The following SLCO4A1 variants were observed in gnomAD, a reference collection of about 807,000 sequenced individuals.
SLCO4A1 encodes colon organic anion transporter.
Under a neutral mutation model 64.6 loss-of-function variants are expected in SLCO4A1, and 51 were observed. The ratio of observed to expected loss-of-function variants is 0.79; its 90% CI spans 0.63 to 1.00. The LOEUF is 1.00. Among genes scored for constraint, SLCO4A1 ranks in the 50% least tolerant of loss-of-function variants. SLCO4A1 has a pLI of 0.00. For synonymous variants in SLCO4A1, 471 were observed against 444.9 expected (o/e 1.06, Z -0.74); for missense variants, 919 against 980.5 (o/e 0.94, Z 0.84).
intron 2 of SLCO4A1, among the ~76,000 whole-genome samples, chr20:62,680,303 AG>A (rs1390774747): frequency 1.3e-5 from 2 of 152,208 alleles, no homozygotes; most frequent in Non-Finnish European, 2.9e-5. Context: ...ATCTGTGAAG[AG>A]GGAGAGTTTT....
At chr20:62,681,986 A>G (rs945258555) in intron 2 of SLCO4A1, among the ~76,000 whole-genome samples, 1 of 152,242 alleles carries the variant, frequency 6.6e-6, no homozygotes, top group Non-Finnish European at 1.5e-5. Context: ...CTCAGACAGC[A>G]GGGCGGCCCT....
chr20:62,671,714 C>T (rs752495311), intron 11 of SLCO4A1, 36 bp from the exon 12 acceptor site: 3 of 1,597,284 alleles, frequency 1.9e-6, no homozygotes, highest in African/African-American at 1.3e-5. Flanking sequence ...TCTGGCCGAG[C>T]TCCCCACGAG....
Position 62,656,534 on chromosome 20 carries a change from C to G in SLCO4A1, c.80C>G (p.Thr27Ser), listed in dbSNP as rs1422312131. ...NSAMENGLDHTPPSRRASPGT... is the reference protein window; with the variant it reads ...NSAMENGLDHSPPSRRASPGT... Reference sequence around the variant, plus strand: ...GCCATGGAAAACGGGCTTGACCACACCCCACCCAGCAGGAGGGCATCCCCG... The same window carrying G: ...GCCATGGAAAACGGGCTTGACCACAGCCCACCCAGCAGGAGGGCATCCCCG... Residue 27 changes from threonine to serine, a missense_variant, in exon 2 of 12, where the codon ACC becomes AGC. By Grantham distance (58) the Thr-to-Ser change is moderately conservative (BLOSUM62 1). Coordinates refer to ENST00000217159, the MANE Select transcript of SLCO4A1 (RefSeq NM_016354.4). 4 of 1,577,328 alleles carry G rather than the reference C, an allele frequency of 2.5e-6. No individual in the cohort carries two copies. In the South Asian group the frequency reaches 4.6e-5, roughly 18 times the overall value.
intron 2 of SLCO4A1, among the ~76,000 whole-genome samples, chr20:62,682,230 C>T (rs1174722281): frequency 6.6e-6 from 1 of 152,206 alleles, no homozygotes; most frequent in African/African-American, 2.4e-5. Flanking sequence ...ACCTGGGAGC[C>T]GTACGCCTGC....
chr20:62,649,886 T>C (rs1982137168), intron 1 of SLCO4A1: 1 of 152,270 alleles, frequency 6.6e-6, no homozygotes, highest in Non-Finnish European at 1.5e-5. Flanking sequence ...TGCAGCCAGC[T>C]TGGGATGAGA....
intron 1 of SLCO4A1, chr20:62,643,293 A>G (rs1464243761): frequency 3.2e-6 from 1 of 315,374 alleles, no homozygotes. Context: ...ACCAGGGAGG[A>G]TGGAAAGGAA....
Position 62,657,079 on chromosome 20 carries a change from C to A in SLCO4A1, c.625C>A (p.Pro209Thr). Residue 209 changes from proline (P) to threonine (T), a missense_variant, in exon 2 of 12, where the codon CCT becomes ACT. By Grantham distance (38) the Pro-to-Thr change is conservative. Transcript: ENST00000217159. ...GTTGGACGCGGGTGTCAGGACGTGC[C>A]CTGCCAACCCCGGCGCGGTGTGTGC... Reference protein sequence around the residue: ...VELDAGVRTCPANPGAVCADS... With the variant: ...VELDAGVRTCTANPGAVCADS... The A allele has an allele frequency of 6.2e-7, 1 of 1,602,046 alleles. No individual in the cohort carries two copies.
intron 6 of SLCO4A1, among the ~76,000 whole-genome samples, chr20:62,665,706 C>T (rs959007343): frequency 2.6e-5 from 4 of 152,092 alleles, no homozygotes; most frequent in African/African-American, 9.7e-5. Flanking sequence ...CCTGGCCCCT[C>T]TGGGCTGACC....
intron 2 of SLCO4A1, among the ~76,000 whole-genome samples, chr20:62,657,622 G>T (rs1465374696): frequency 1.3e-5 from 2 of 152,236 alleles, no homozygotes; most frequent in African/African-American, 4.8e-5. Context: ...CCTGGCACTT[G>T]CCTGGGAAGG....
chr20:62,680,933 C>G (rs764141967), intron 2 of SLCO4A1, among the ~76,000 whole-genome samples: 1 of 152,178 alleles, frequency 6.6e-6, no homozygotes, highest in Non-Finnish European at 1.5e-5. Context: ...CAGACAGGGT[C>G]TCACTCTGTC....
Position 62,668,127 on chromosome 20 carries a change from T to C in SLCO4A1, c.1754T>C (p.Phe585Ser), listed in dbSNP as rs1304655199. Residue 585 changes from phenylalanine (F) to serine (S), a missense_variant, in exon 9 of 12, where the codon TTC becomes TCC. Physicochemically the swap from Phe to Ser is radical, Grantham distance 155. Coordinates refer to ENST00000217159, the MANE Select transcript of SLCO4A1 (RefSeq NM_016354.4). ...QRKPLLLVFI[F>S]VVIFFTFLSS... is the part of the protein sequence containing the mutation. ...AAGCCCCTCCTTCTGGTTTTCATAT[T>C]CGTTGTAATTTTCTTTACATTCCTC... The C allele has an allele frequency of 6.2e-7, 1 of 1,613,986 alleles. No individual in the cohort carries two copies.
intron 7 of SLCO4A1, 42 bp from the exon 8 acceptor site, chr20:62,667,703 C>T (rs1986617154): frequency 1.3e-6 from 2 of 1,573,746 alleles, no homozygotes; most frequent in Non-Finnish European, 8.6e-7. Context: ...GCCAGCATGG[C>T]TCTGGCCTGG....
Position 62,666,376 on chromosome 20 carries a change from C to A in SLCO4A1, c.1277-4C>A, listed in dbSNP as rs1486905032. On this transcript the variant is annotated splice_region_variant and splice_polypyrimidine_tract_variant and intron_variant, in intron 6 of 11. Transcript: ENST00000217159. ...TCCCTGGCTGAATCCCTCCCTCTCC[C>A]CAGGGTACCTGGTGGTGCCAGCGGG... is the stretch of plus-strand genomic sequence containing the variant. The A allele has an allele frequency of 6.2e-7, 1 of 1,612,266 alleles. No homozygotes were observed. The highest frequency in any genetic ancestry group is 1.7e-5 in the Admixed American group (1 of 60,000).
At chr20:62,663,204 G>GGGC (rs1985380055) in intron 5 of SLCO4A1, 1 of 152,206 alleles carries the variant, frequency 6.6e-6, no homozygotes, top group African/African-American at 2.4e-5. Flanking sequence ...AGGCACCTGT[G>GGGC]GGCCTGTTGG....
chr20:62,654,890 C>T (rs1224357857), intron 1 of SLCO4A1, among the ~76,000 whole-genome samples: 2 of 152,198 alleles, frequency 1.3e-5, no homozygotes, highest in Non-Finnish European at 2.9e-5. Flanking sequence ...TCTGCAAGGC[C>T]GGCCCCCCTC....
chr20:62,644,605 A>G lies in SLCO4A1; in HGVS notation c.-97+2052A>G, dbSNP rs1352354652. ...CAAGCCCCATTGCAGTTTTGGCTCC[A>G]GGTCGGTCTGACTTCCAAATGGCAA... On this transcript the variant is annotated intron_variant, in intron 1 of 11. Transcript: ENST00000217159. This position sits in a 1 kb window ranked among gnomAD's most constrained non-coding sequence, Gnocchi z 5.4. 1.3e-5 allele frequency among the ~76,000 whole-genome samples: 2 copies of G among 152,266 alleles called. No individual in the cohort carries two copies. Among genetic ancestry groups the G allele is most frequent in the African/African-American group, 4.8e-5 (2 of 41,476 alleles).
At chr20:62,643,345 G>A (rs1400347411) in intron 1 of SLCO4A1, 1 of 206,006 alleles carries the variant, frequency 4.9e-6, no homozygotes, top group Non-Finnish European at 1.0e-5. Flanking sequence ...CCCTAGACCG[G>A]GAACCTGGAA....
intron 5 of SLCO4A1, chr20:62,663,305 A>G (rs969368489): frequency 1.3e-5 from 2 of 152,206 alleles, no homozygotes; most frequent in Non-Finnish European, 2.9e-5. Context: ...GAGCATTTGA[A>G]TGTTCCAGGC....
chr20:62,668,540 A>T lies in SLCO4A1; in HGVS notation c.1875A>T (p.Leu625=), dbSNP rs1986797127. Residue 625 remains leucine (L), a splice_region_variant and synonymous_variant, in exon 10 of 12, where the codon CTA becomes CTT. Coordinates refer to ENST00000217159, the MANE Select transcript of SLCO4A1 (RefSeq NM_016354.4). ...TCCAGTGGATTGTAGTTAGAATACT[A>T]GGTACTGTGCAGTGTGAGGAAGCCA... ...LGIQWIVVRI[L]GGIPGPIAFG... The T allele has an allele frequency of 1.4e-5, 23 of 1,612,548 alleles. No homozygotes were observed. Among genetic ancestry groups the T allele is most frequent in the Non-Finnish European group, 2.0e-5 (23 of 1,178,726 alleles).
Sources: gnomAD v4.1 joint callset for allele counts (sites outside exome capture counted in the v4.1 genomes callset) on GRCh38, gnomAD v4.1.1 for gene constraint, Gnocchi (gnomAD v3.1) non-coding constraint, MANE v1.5 for transcripts, NCBI Gene and HGNC (gene_info 2026-07-23, HGNC 2026-07-21) for gene names.